The following NOS1 variants were observed in gnomAD, a reference collection of about 807,000 sequenced individuals.
NOS1 encodes the protein nitric oxide synthase 1.
Under a neutral mutation model 164.5 loss-of-function variants are expected in NOS1, and 51 were observed. The ratio of observed to expected loss-of-function variants is 0.31; its 90% confidence interval spans 0.25 to 0.39. The LOEUF is 0.39. Ranked by LOEUF, NOS1 falls within the 10% of genes least tolerant of loss-of-function variation. NOS1 has a pLI of 1.00. For missense variants in NOS1, 1,362 were observed against 1,885.6 expected (o/e 0.72, Z 5.14); for synonymous variants, 719 against 745.8 (o/e 0.96, Z 0.59).
chr12:117,288,258 C>T, intron 4 of NOS1, 39 bp from the exon 5 acceptor site: 2 of 1,591,276 alleles, frequency 1.3e-6, no homozygotes, highest in Non-Finnish European at 1.7e-6. Flanking sequence ...CTTGGTTTTA[C>T]CCAAGAGTGG....
intron 21 of NOS1, among the ~76,000 whole-genome samples, 158 bp from the exon 22 acceptor site, chr12:117,232,289 C>G (rs1869307644): frequency 6.6e-6 from 1 of 152,012 alleles, no homozygotes; most frequent in Admixed American, 6.6e-5. Context: ...GCCCAGAATC[C>G]AGGGGATTTC....
intron 12 of NOS1, among the ~76,000 whole-genome samples, chr12:117,264,678 C>A (rs1454644913): frequency 6.9e-6 from 1 of 143,980 alleles, no homozygotes; most frequent in Admixed American, 7.0e-5. Context: ...CCCTCTCCCC[C>A]TCTTCATCCT....
At chr12:117,287,002 G>T (rs1872751446) in intron 5 of NOS1, among the ~76,000 whole-genome samples, 1 of 152,190 alleles carries the variant, frequency 6.6e-6, no homozygotes. Flanking sequence ...ATCACTTGAG[G>T]CTAGGAATTT....
At position 117,227,414 on chromosome 12, in the gene NOS1, C is replaced by T; in HGVS notation, c.3616+17G>A. 1 of 1,611,236 alleles carries T rather than the reference C, an allele frequency of 6.2e-7. No individual in the cohort carries two copies. Among genetic ancestry groups the T allele is most frequent in the Non-Finnish European group, 8.5e-7 (1 of 1,177,910 alleles). On this transcript the variant is annotated intron_variant, in intron 23 of 28. Coordinates refer to ENST00000317775, the MANE Select transcript of NOS1 (RefSeq NM_000620.5). ...GGAAAATGCAGCTGAGGAGGCTCTC[C>T]CAGTGCCTCCGCCCACCTCGAGTGC... is the stretch of plus-strand genomic sequence containing the variant.
At chr12:117,224,771 A>C (rs1044692260) in intron 25 of NOS1, among the ~76,000 whole-genome samples, 1 of 152,194 alleles carries the variant, frequency 6.6e-6, no homozygotes, top group Non-Finnish European at 1.5e-5. Context: ...TTTTTTTTGA[A>C]GAGATCACAT....
At chr12:117,280,903 G>A (rs774674078) in intron 7 of NOS1, 37 bp from the exon 8 acceptor site, 10 of 1,607,182 alleles carry the variant, frequency 6.2e-6, no homozygotes, top group East Asian at 2.2e-5. Flanking sequence ...GCATCAGGGC[G>A]GGACTTGCGC....
intron 2 of NOS1, 99 bp from the exon 3 acceptor site, chr12:117,311,691 C>T: frequency 7.5e-7 from 1 of 1,324,864 alleles, no homozygotes; most frequent in Non-Finnish European, 1.0e-6. Flanking sequence ...ACCTCAGTAG[C>T]TCACTCACAT....
Position 117,210,667 on chromosome 12 carries a change from T to G in NOS1, c.*4642A>C, listed in dbSNP as rs916468447. 2 of 985,444 alleles carry G rather than the reference T, an allele frequency of 2.0e-6. No individual in the cohort carries two copies. Among genetic ancestry groups the G allele is most frequent in the Non-Finnish European group, 2.4e-6 (2 of 829,936 alleles). The allele number at this position is 985,444 out of a possible 1,614,324, so 61.0% of individuals were successfully genotyped here. On this transcript the variant is annotated 3_prime_UTR_variant, in exon 29 of 29. Coordinates refer to ENST00000317775, the MANE Select transcript of NOS1 (RefSeq NM_000620.5). ...GCCCTATGAGCTAGGTCAGGACACC[T>G]CTCACTTGTTTTGAGCTTAGGGCAA...
Position 117,209,919 on chromosome 12 carries a change from C to T in NOS1, c.*5390G>A, listed in dbSNP as rs1487210366. The T allele has an allele frequency of 1.0e-6, 1 of 985,408 alleles. No homozygotes were observed. The highest frequency in any genetic ancestry group is 1.2e-6 in the Non-Finnish European group (1 of 829,994). 61.0% of individuals were successfully genotyped at this position (985,408 alleles called of 1,614,324 possible). Reference sequence around the variant, plus strand: ...CTATGTTGACTCCCTGGGAGGCAGGCCCCTTCCCTCAGACCCTCAGACCTG... The same window carrying T: ...CTATGTTGACTCCCTGGGAGGCAGGTCCCTTCCCTCAGACCCTCAGACCTG... On this transcript the variant is annotated 3_prime_UTR_variant, in exon 29 of 29. Transcript: ENST00000317775.
intron 1 of NOS1, among the ~76,000 whole-genome samples, chr12:117,334,026 A>C (rs1875681590): frequency 6.6e-6 from 1 of 152,346 alleles, no homozygotes; most frequent in Admixed American, 6.5e-5. Flanking sequence ...AAGGCCCCCA[A>C]GCTGACTTCC....
Position 117,211,088 on chromosome 12 carries a change from C to G in NOS1, c.*4221G>C, listed in dbSNP as rs1176766558. The G allele has an allele frequency of 3.4e-6, 2 of 588,548 alleles. No homozygotes were observed. Among genetic ancestry groups the G allele is most frequent in the African/African-American group, 4.1e-5 (2 of 49,358 alleles). 36.5% of individuals were successfully genotyped at this position (588,548 alleles called of 1,614,324 possible). A position where few individuals can be genotyped will look rare whatever the true frequency, so the allele number is the denominator to read the frequency against. ...CCTCCTTCCTCAGCCTCCCAGGTAGCTGAGACTACAGGCGCATGCCACCAT... is the reference window on the plus strand; with the variant it reads ...CCTCCTTCCTCAGCCTCCCAGGTAGGTGAGACTACAGGCGCATGCCACCAT... On this transcript the variant is annotated 3_prime_UTR_variant, in exon 29 of 29. Coordinates refer to ENST00000317775, the MANE Select transcript of NOS1 (RefSeq NM_000620.5).
At position 117,212,760 on chromosome 12, in the gene NOS1, C is replaced by A. The variant is rs1005592546; in HGVS notation, c.*2549G>T. 93 of 985,314 alleles carry A rather than the reference C, an allele frequency of 9.4e-5. No homozygotes were observed. Among genetic ancestry groups the A allele is most frequent in the Admixed American group, 5.5e-4 (9 of 16,254 alleles). The allele number at this position is 985,314 out of a possible 1,614,324, so 61.0% of individuals were successfully genotyped here. A position where few individuals can be genotyped will look rare whatever the true frequency, so the allele number is the denominator to read the frequency against. Reference sequence around the variant, plus strand: ...TTGGCTACGAGGCCTGGATGAAAAGCCACCACGAGAGGGCAGTATTTCCCC... The same window carrying A: ...TTGGCTACGAGGCCTGGATGAAAAGACACCACGAGAGGGCAGTATTTCCCC... On this transcript the variant is annotated 3_prime_UTR_variant, in exon 29 of 29. Transcript: ENST00000317775.
rs775871179 is a variant in NOS1, at chr12:117,330,864, C to T, written c.206G>A (p.Gly69Asp). Residue 69 changes from glycine (G) to aspartate (D), a missense_variant, in exon 2 of 29, where the codon GGC becomes GAC. Around this residue, in one of 4 missense-constraint regions of NOS1, gnomAD observed 362 missense variants for 402.0 expected, o/e 0.90. Transcript: ENST00000317775. The surrounding 1 kb of genome is among the most constrained non-coding windows in gnomAD (Gnocchi z 4.6). ...ATAGCTCAGGTCCACCAAGGGCCGG[C>T]CGTTGACCGCAAGAATGATGTCTCC... is the stretch of plus-strand genomic sequence containing the variant. ...QAGDIILAVN[G>D]RPLVDLSYDS... 70 of 1,614,022 alleles carry T rather than the reference C, an allele frequency of 4.3e-5. No individual in the cohort carries two copies. The highest frequency in any genetic ancestry group is 5.8e-5 in the Non-Finnish European group (69 of 1,180,012).
At chr12:117,265,206 G>T in intron 12 of NOS1, 110 bp downstream of exon 12, 1 of 922,764 alleles carries the variant, frequency 1.1e-6, no homozygotes, top group Non-Finnish European at 1.5e-6. Flanking sequence ...CCAGCCACAT[G>T]TGGCTATTGA....
intron 3 of NOS1, among the ~76,000 whole-genome samples, chr12:117,303,779 T>G (rs74352096): frequency 0.012 from 1,868 of 152,294 alleles, 40 homozygotes; most frequent in African/African-American, 0.043. Context: ...AGGGCTTGAT[T>G]TGAATCCTGA....
intron 3 of NOS1, among the ~76,000 whole-genome samples, chr12:117,303,014 G>A (rs1215078289): frequency 6.6e-6 from 1 of 152,114 alleles, no homozygotes; most frequent in Non-Finnish European, 1.5e-5. Flanking sequence ...CCAAAGTGTC[G>A]GGATTACAGG....
intron 1 of NOS1, among the ~76,000 whole-genome samples, chr12:117,341,173 G>A (rs918704224): frequency 4.6e-5 from 7 of 152,186 alleles, no homozygotes; most frequent in Admixed American, 3.3e-4. Context: ...TGGATGTGCT[G>A]CTTAAGGCAC....
rs1014128220 is a variant in NOS1 at position 117,211,604 on chromosome 12, C to G, written c.*3705G>C. 3.0e-6 allele frequency: 3 copies of G among 985,526 alleles called. No individual in the cohort carries two copies. Among genetic ancestry groups the G allele is most frequent in the Non-Finnish European group, 3.6e-6 (3 of 830,072 alleles). 61.0% of individuals were successfully genotyped at this position (985,526 alleles called of 1,614,324 possible). A position where few individuals can be genotyped will look rare whatever the true frequency, so the allele number is the denominator to read the frequency against. ...CCTTTTCTCACCCTCCTCAGCCTTC[C>G]AAAGCCAGCCTCAATTTATCTTACA... On this transcript the variant is annotated 3_prime_UTR_variant, in exon 29 of 29. Coordinates refer to ENST00000317775, the MANE Select transcript of NOS1 (RefSeq NM_000620.5).
At chr12:117,345,778 G>C (rs1466048000) in intron 1 of NOS1, among the ~76,000 whole-genome samples, 1 of 151,942 alleles carries the variant, frequency 6.6e-6, no homozygotes, top group African/African-American at 2.4e-5. Context: ...GAGGATTATT[G>C]AGCCCAGGAG....
Sources: allele counts gnomAD v4.1 joint callset (sites outside exome capture counted in the v4.1 genomes callset), GRCh38; gene constraint gnomAD v4.1.1; regional missense constraint gnomAD v4.1.1; non-coding constraint Gnocchi (gnomAD v3.1); transcripts MANE v1.5; gene names NCBI Gene and HGNC (gene_info 2026-07-23, HGNC 2026-07-21).